The following ZNF804A variants were observed in gnomAD, a reference collection of about 807,000 sequenced individuals.
ZNF804A encodes zinc finger protein 804A.
A neutral mutation model predicts 16.5 loss-of-function variants in ZNF804A; 2 were observed. The observed-to-expected ratio is 0.12, with a 90% CI of 0.05 to 0.38. ZNF804A has a LOEUF of 0.38. ZNF804A is among the 10% of genes least tolerant of loss of function. The pLI is 0.99. For synonymous variants in ZNF804A, 534 were observed against 489.6 expected (o/e 1.09, Z -1.20); for missense variants, 1,473 against 1,390.7 (o/e 1.06, Z -0.94).
At chr2:184,729,769 A>G (rs890334989) in intron 1 of ZNF804A, among the ~76,000 whole-genome samples, 9 of 152,124 alleles carry the variant, frequency 5.9e-5, no homozygotes, top group East Asian at 1.9e-4. Context: ...TATCTTGACA[A>G]ATGTGTCATG....
At chr2:184,711,890 T>A (rs1693134864) in intron 1 of ZNF804A, among the ~76,000 whole-genome samples, 1 of 151,808 alleles carries the variant, frequency 6.6e-6, no homozygotes, top group African/African-American at 2.4e-5. Context: ...AGCATTGTAG[T>A]GTATTTTGAA....
chr2:184,752,813 C>T (rs1693896232), intron 1 of ZNF804A, among the ~76,000 whole-genome samples: 1 of 151,450 alleles, frequency 6.6e-6, no homozygotes, highest in Non-Finnish European at 1.5e-5. Flanking sequence ...AGGATCTGAA[C>T]AGACATTTTT....
At chr2:184,928,525 T>TG (rs1685644235) in intron 2 of ZNF804A, among the ~76,000 whole-genome samples, 1 of 152,068 alleles carries the variant, frequency 6.6e-6, no homozygotes, top group African/African-American at 2.4e-5. Flanking sequence ...TTATTCAGTT[T>TG]GTTATGTGCC....
chr2:184,667,369 G>A (rs1219940767), intron 1 of ZNF804A, among the ~76,000 whole-genome samples: 1 of 151,730 alleles, frequency 6.6e-6, no homozygotes, highest in African/African-American at 2.4e-5. Context: ...AGTAATTAAT[G>A]GTTTTTAAAA....
rs530933755 is a variant in ZNF804A, at chr2:184,846,414, T to C, written c.112-19955T>C. On this transcript the variant is annotated intron_variant, in intron 1 of 3. Coordinates refer to ENST00000302277, the MANE Select transcript of ZNF804A (RefSeq NM_194250.2). ...CATATAAGAGATTTCTAAGTTGAAA[T>C]AAGTACCCTCAATTACTATCACTTA... is the stretch of plus-strand genomic sequence containing the variant. 4.6e-5 allele frequency among the ~76,000 whole-genome samples: 7 copies of C among 152,250 alleles called. No individual in the cohort carries two copies. The East Asian group carries it at 1.4e-3, about 29-fold the overall frequency.
intron 1 of ZNF804A, among the ~76,000 whole-genome samples, chr2:184,629,434 A>G (rs359890): frequency 0.031 from 4,758 of 152,176 alleles, 253 homozygotes; most frequent in African/African-American, 0.11. Context: ...TTGAAGAAGT[A>G]GGGAGAGTTT....
intron 1 of ZNF804A, among the ~76,000 whole-genome samples, chr2:184,790,899 C>T (rs747113555): frequency 1.7e-4 from 26 of 152,086 alleles, no homozygotes; most frequent in Non-Finnish European, 2.8e-4. Flanking sequence ...CACTGCGCCC[C>T]GCCTCAAACC....
In ZNF804A at chr2:184,938,587, A is replaced by G. The variant is rs1685836768; in HGVS notation, c.3191A>G (p.Lys1064Arg). 10 of 1,614,044 alleles carry G rather than the reference A, an allele frequency of 6.2e-6. No homozygotes were observed. Among genetic ancestry groups the G allele is most frequent in the Non-Finnish European group, 8.5e-6 (10 of 1,179,986 alleles). Residue 1064 changes from lysine (K) to arginine (R), a missense_variant, in exon 4 of 4, where the codon AAG becomes AGG. By Grantham distance (26) the Lys-to-Arg change is conservative. Transcript: ENST00000302277. The part of the protein sequence containing the change: ...HILQPNMLAN[K>R]VKFTFPPAAL... ...CTGCAGCCAAACATGCTGGCCAACA[A>G]GGTTAAATTTACCTTTCCTCCAGCT...
chr2:184,706,941 C>T (rs1693039863), intron 1 of ZNF804A, among the ~76,000 whole-genome samples: 1 of 152,110 alleles, frequency 6.6e-6, no homozygotes, highest in African/African-American at 2.4e-5. Context: ...ATGTGTATTT[C>T]AATAGTTTTA....
chr2:184,646,649 G>T (rs778978280), intron 1 of ZNF804A, among the ~76,000 whole-genome samples: 24 of 152,202 alleles, frequency 1.6e-4, no homozygotes, highest in Non-Finnish European at 2.9e-4. Context: ...GCTGCAGGGG[G>T]CTCTCTCTGT....
rs1231837954 is a variant in ZNF804A, at chr2:184,817,069, G to A, written c.112-49300G>A. Among the ~76,000 whole-genome samples, 5 of 152,032 alleles carry A rather than the reference G, an allele frequency of 3.3e-5. No individual in the cohort carries two copies. In the East Asian group the frequency reaches 9.7e-4, roughly 29 times the overall value. On this transcript the variant is annotated intron_variant, in intron 1 of 3. Transcript: ENST00000302277. The stretch of plus-strand genomic sequence containing the variant: ...TGTAAATATTGTATTTAAAGAAAAA[G>A]GAAAGCAAGAAGACCAGTAAAACCA...
At chr2:184,768,221 T>C (rs1694159552) in intron 1 of ZNF804A, among the ~76,000 whole-genome samples, 1 of 152,104 alleles carries the variant, frequency 6.6e-6, no homozygotes, top group African/African-American at 2.4e-5. Flanking sequence ...ACTGAAAGTG[T>C]ATTGGGGGAT....
At chr2:184,771,659 T>G (rs1158090202) in intron 1 of ZNF804A, among the ~76,000 whole-genome samples, 1 of 151,860 alleles carries the variant, frequency 6.6e-6, no homozygotes, top group Non-Finnish European at 1.5e-5. Flanking sequence ...TGGATAAAAG[T>G]CTACTCCCAA....
intron 1 of ZNF804A, among the ~76,000 whole-genome samples, chr2:184,825,617 G>A (rs1373349935): frequency 6.6e-6 from 1 of 152,054 alleles, no homozygotes; most frequent in Non-Finnish European, 1.5e-5. Flanking sequence ...GGGCTCCTTT[G>A]AGAAAGAAAC....
intron 1 of ZNF804A, among the ~76,000 whole-genome samples, chr2:184,640,297 TC>T (rs1476001896): frequency 1.3e-5 from 2 of 151,932 alleles, no homozygotes; most frequent in Non-Finnish European, 2.9e-5. Context: ...AATCTTTATT[TC>T]ATAGGACATT....
intron 1 of ZNF804A, among the ~76,000 whole-genome samples, chr2:184,783,886 A>C (rs949497858): frequency 3.9e-5 from 6 of 152,024 alleles, no homozygotes; most frequent in African/African-American, 1.4e-4. Context: ...ATTTCTGATA[A>C]AACAGGCTCA....
At chr2:184,708,395 C>A (rs1364146491) in intron 1 of ZNF804A, among the ~76,000 whole-genome samples, 1 of 152,066 alleles carries the variant, frequency 6.6e-6, no homozygotes, top group Non-Finnish European at 1.5e-5. Flanking sequence ...CAACCTCAAA[C>A]TATACTATAA....
At chr2:184,866,286 T>A in intron 1 of ZNF804A, 83 bp from the exon 2 acceptor site, 1 of 1,275,398 alleles carries the variant, frequency 7.8e-7, no homozygotes, top group Non-Finnish European at 1.1e-6. Flanking sequence ...ACTCTAATTA[T>A]TGTACTATAG....
intron 1 of ZNF804A, among the ~76,000 whole-genome samples, chr2:184,767,327 G>T (rs189285076): frequency 1.1e-4 from 16 of 152,234 alleles, no homozygotes; most frequent in Admixed American, 1.0e-3. Flanking sequence ...GGAAATTGGG[G>T]TTAGTGAAAT....
Sources: allele counts gnomAD v4.1 joint callset (sites outside exome capture counted in the v4.1 genomes callset), GRCh38; gene constraint gnomAD v4.1.1; transcripts MANE v1.5; gene names NCBI Gene and HGNC (gene_info 2026-07-23, HGNC 2026-07-21).